The following COMMD1 variants were observed in gnomAD, a reference collection of about 807,000 sequenced individuals.
COMMD1 encodes the protein copper metabolism domain containing 1, also known as COMM domain-containing protein 1.
Under a neutral mutation model 17.2 loss-of-function variants are expected in COMMD1, and 10 were observed. The observed-to-expected ratio is 0.58, with a 90% CI of 0.36 to 0.99. COMMD1 has a LOEUF of 0.99. Ranked by LOEUF, COMMD1 falls within the 50% of genes least tolerant of loss-of-function variation. The pLI is 0.01. For missense variants in COMMD1, 270 were observed against 231.8 expected, an observed-to-expected ratio of 1.17 and a Z score of -1.07; for synonymous variants, 97 against 91.6, an observed-to-expected ratio of 1.06 and a Z score of -0.34.
intron 1 of COMMD1, among the ~76,000 whole-genome samples, chr2:61,980,628 C>G (rs914232603): frequency 1.0e-4 from 15 of 143,398 alleles, no homozygotes; most frequent in African/African-American, 3.4e-4. Flanking sequence ...TGTTTGAGTT[C>G]ATTGTAGATT....
chr2:61,922,480 G>C (rs1405907710), intron 1 of COMMD1, among the ~76,000 whole-genome samples: 5 of 152,080 alleles, frequency 3.3e-5, no homozygotes, highest in Non-Finnish European at 4.4e-5. Flanking sequence ...ACTATGCCTG[G>C]CTAATTTTGT....
intron 2 of COMMD1, among the ~76,000 whole-genome samples, chr2:62,012,543 C>G (rs552862975): frequency 6.6e-6 from 1 of 151,998 alleles, no homozygotes; most frequent in South Asian, 2.1e-4. Flanking sequence ...GTCTTGAACT[C>G]CCGACCTCAG....
At position 61,963,391 on chromosome 2, in the gene COMMD1, C is replaced by T. The variant is rs375415847; in HGVS notation, c.181-37310C>T. The stretch of plus-strand genomic sequence containing the variant: ...TGTTTTTTTGAGATGGAGTCTCACT[C>T]TGTTGTCCAGGCTGGAGTGCAATGA... On this transcript the variant is annotated intron_variant, in intron 1 of 2. Transcript: ENST00000311832. Among the ~76,000 whole-genome samples, 112 of 152,124 alleles carry T rather than the reference C, an allele frequency of 7.4e-4. 1 individual carries two copies. Among genetic ancestry groups the T allele is most frequent in the African/African-American group, 2.4e-3 (99 of 41,496 alleles).
intron 2 of COMMD1, chr2:62,090,917 G>A (rs1324051314): frequency 6.6e-6 from 1 of 152,192 alleles, no homozygotes; most frequent in African/African-American, 2.4e-5. Flanking sequence ...GTTGGACAAC[G>A]GAGTACCTTT....
intron 2 of COMMD1, among the ~76,000 whole-genome samples, chr2:62,134,586 C>A (rs966581596): frequency 6.6e-6 from 1 of 151,210 alleles, no homozygotes; most frequent in South Asian, 2.1e-4. Flanking sequence ...TGATCCTCCC[C>A]CTACCCCCAT....
Position 61,905,789 on chromosome 2 carries a change from C to T in COMMD1, c.111C>T (p.Ser37=). Residue 37 remains serine, a synonymous_variant, in exon 1 of 3, where the codon AGC becomes AGT. Coordinates refer to ENST00000311832, the MANE Select transcript of COMMD1 (RefSeq NM_152516.4). Reference sequence around the variant, plus strand: ...GCATCACAGAGGAGCTGCTACGGAGCCAGCTATATCCAGAGGTGCCACCCG... The same window carrying T: ...GCATCACAGAGGAGCTGCTACGGAGTCAGCTATATCCAGAGGTGCCACCCG... ...YPGITEELLR[S]QLYPEVPPEE... is the part of the protein sequence containing the mutation. The T allele has an allele frequency of 6.2e-7, 1 of 1,614,174 alleles. No individual in the cohort carries two copies. The highest frequency in any genetic ancestry group is 8.5e-7 in the Non-Finnish European group (1 of 1,180,022).
chr2:62,029,245 G>T (rs765334545), intron 2 of COMMD1, among the ~76,000 whole-genome samples: 24 of 152,074 alleles, frequency 1.6e-4, no homozygotes, highest in Admixed American at 3.3e-4. Context: ...TTACCAATTG[G>T]TATCAAATTA....
chr2:61,894,792 C>G (rs1669518999), intron 1 of COMMD1, among the ~76,000 whole-genome samples: 1 of 151,852 alleles, frequency 6.6e-6, no homozygotes, highest in African/African-American at 2.4e-5. Context: ...CTCCACCTCC[C>G]AGGTTCAAGC....
intron 2 of COMMD1, among the ~76,000 whole-genome samples, chr2:62,059,537 T>TTATTA: frequency 1.3e-5 from 2 of 152,204 alleles, no homozygotes; most frequent in South Asian, 4.1e-4. Flanking sequence ...ATATAGCCTC[T>TTATTA]CCCCATTTTT....
At chr2:62,084,527 A>AG (rs1239220187) in intron 2 of COMMD1, among the ~76,000 whole-genome samples, 1 of 152,104 alleles carries the variant, frequency 6.6e-6, no homozygotes, top group Non-Finnish European at 1.5e-5. Context: ...GGGGTGGCAG[A>AG]GGGGGAAGAA....
intron 2 of COMMD1, among the ~76,000 whole-genome samples, chr2:62,131,516 T>C (rs2104102010): frequency 6.6e-6 from 1 of 152,252 alleles, no homozygotes; most frequent in Admixed American, 6.5e-5. Context: ...TTTCTTTTCT[T>C]TTCTTTTTCC....
At chr2:62,001,217 A>G (rs1193784217) in intron 2 of COMMD1, 4 of 503,870 alleles carry the variant, frequency 7.9e-6, no homozygotes, top group Non-Finnish European at 1.4e-5. Flanking sequence ...TGGGCCAATA[A>G]TGTGATTGCT....
chr2:62,007,880 A>G (rs1669166662), intron 2 of COMMD1, among the ~76,000 whole-genome samples: 1 of 152,190 alleles, frequency 6.6e-6, no homozygotes, highest in Admixed American at 6.5e-5. Flanking sequence ...GCTAAAACAT[A>G]TAATTAATAA....
At chr2:62,111,409 G>A (rs1672450951) in intron 2 of COMMD1, among the ~76,000 whole-genome samples, 1 of 152,202 alleles carries the variant, frequency 6.6e-6, no homozygotes, top group Non-Finnish European at 1.5e-5. Flanking sequence ...ATAAAGAATG[G>A]ACAGTTGCGT....
chr2:61,983,699 A>G (rs1256261289), intron 1 of COMMD1, among the ~76,000 whole-genome samples: 2 of 151,664 alleles, frequency 1.3e-5, no homozygotes, highest in East Asian at 3.9e-4. Context: ...TTCTTTTTTT[A>G]TCTCTAATTT....
chr2:61,976,198 T>TAA (rs200120465), intron 1 of COMMD1, among the ~76,000 whole-genome samples: 4 of 122,898 alleles, frequency 3.3e-5, no homozygotes, highest in South Asian at 2.4e-4. Flanking sequence ...ATAGAGTAAC[T>TAA]AAAAAAAAAA....
intron 1 of COMMD1, among the ~76,000 whole-genome samples, chr2:61,976,610 G>C (rs1037144499): frequency 3.3e-5 from 5 of 152,118 alleles, no homozygotes; most frequent in Non-Finnish European, 5.9e-5. Flanking sequence ...AATGTAGCAG[G>C]CAAAAAATCA....
chr2:61,982,199 G>A (rs550497050), intron 1 of COMMD1, among the ~76,000 whole-genome samples: 23 of 152,016 alleles, frequency 1.5e-4, no homozygotes, highest in East Asian at 5.8e-4. Flanking sequence ...ATTATAGAGC[G>A]CTTTCACTTC....
chr2:62,040,244 ACT>A (rs1239636216), intron 2 of COMMD1, among the ~76,000 whole-genome samples: 1 of 152,040 alleles, frequency 6.6e-6, no homozygotes, highest in Non-Finnish European at 1.5e-5. Flanking sequence ...ACAGAGTGAG[ACT>A]CTGTCTCAAA....
Sources: allele counts gnomAD v4.1 joint callset (sites outside exome capture counted in the v4.1 genomes callset), GRCh38; gene constraint gnomAD v4.1.1; transcripts MANE v1.5; gene names NCBI Gene and HGNC (gene_info 2026-07-23, HGNC 2026-07-21).